The following ZDHHC14 variants were observed in gnomAD, a reference collection of about 807,000 sequenced individuals.
ZDHHC14 encodes palmitoyltransferase ZDHHC14.
ZDHHC14 carries 16 observed loss-of-function variants against 47.7 expected under a neutral mutation model. The observed-to-expected ratio is 0.34, with a 90% CI of 0.23 to 0.51. The LOEUF is 0.51. ZDHHC14 is among the 20% of genes least tolerant of loss of function. The probability of loss-of-function intolerance (pLI) is 0.97; values close to 1 mark genes in which losing one functional copy is unlikely to be tolerated. For synonymous variants in ZDHHC14, 293 were observed against 278.9 expected, an observed-to-expected ratio of 1.05 and a Z score of -0.50; for missense variants, 515 against 662.5, an observed-to-expected ratio of 0.78 and a Z score of 2.44.
intron 2 of ZDHHC14, among the ~76,000 whole-genome samples, chr6:157,591,642 T>A (rs1783912528): frequency 6.6e-6 from 1 of 152,150 alleles, no homozygotes; most frequent in Non-Finnish European, 1.5e-5. Flanking sequence ...ACTAATACAA[T>A]GTCCCACACC....
chr6:157,443,743 C>G (rs571306199), intron 1 of ZDHHC14, among the ~76,000 whole-genome samples: 1 of 152,350 alleles, frequency 6.6e-6, no homozygotes, highest in South Asian at 2.1e-4. Context: ...CTGATACACT[C>G]TGGCCCAATT....
In ZDHHC14 at chr6:157,554,065, C is replaced by T. The variant is rs137934207; in HGVS notation, c.406+11320C>T. On this transcript the variant is annotated intron_variant, in intron 2 of 8. Transcript: ENST00000359775. Reference sequence around the variant, plus strand: ...GAAGCGAACACCATTTATTCAGAAACTGTAGATAAAGCTTTCTAGGAGAAA... The same window carrying T: ...GAAGCGAACACCATTTATTCAGAAATTGTAGATAAAGCTTTCTAGGAGAAA... 5.9e-5 allele frequency among the ~76,000 whole-genome samples: 9 copies of T among 152,338 alleles called. No individual in the cohort carries two copies. In the East Asian group the frequency reaches 1.7e-3, roughly 29 times the overall value.
intron 1 of ZDHHC14, among the ~76,000 whole-genome samples, chr6:157,446,023 A>C (rs1178879753): frequency 6.6e-6 from 1 of 152,138 alleles, no homozygotes. Flanking sequence ...AGGTTTTGAT[A>C]ATTACCCTTT....
At chr6:157,548,602 A>G (rs1440611569) in intron 2 of ZDHHC14, among the ~76,000 whole-genome samples, 1 of 152,040 alleles carries the variant, frequency 6.6e-6, no homozygotes, top group African/African-American at 2.4e-5. Flanking sequence ...ATGCGCCACT[A>G]TTCCCGGCTA....
chr6:157,481,266 A>T (rs1366277378), intron 1 of ZDHHC14, among the ~76,000 whole-genome samples: 1 of 152,216 alleles, frequency 6.6e-6, no homozygotes, highest in Non-Finnish European at 1.5e-5. Flanking sequence ...GTAGATGAGC[A>T]ACTTATGTCT....
intron 6 of ZDHHC14, among the ~76,000 whole-genome samples, chr6:157,646,893 A>T (rs1777582024): frequency 6.6e-6 from 1 of 152,182 alleles, no homozygotes; most frequent in Non-Finnish European, 1.5e-5. Flanking sequence ...AGGCTGAATT[A>T]TTTCAGTCTG....
intron 3 of ZDHHC14, among the ~76,000 whole-genome samples, chr6:157,617,514 T>G (rs1785017001): frequency 6.6e-6 from 1 of 152,170 alleles, no homozygotes; most frequent in Non-Finnish European, 1.5e-5. Flanking sequence ...CCAGACGATG[T>G]GGACTCTTTG....
chr6:157,642,774 C>G (rs1777318193), intron 5 of ZDHHC14, among the ~76,000 whole-genome samples: 1 of 152,106 alleles, frequency 6.6e-6, no homozygotes, highest in Non-Finnish European at 1.5e-5. Context: ...GTTTCTTGAC[C>G]TTATTATGGC....
At chr6:157,545,503 C>T (rs1213543052) in intron 2 of ZDHHC14, among the ~76,000 whole-genome samples, 2 of 151,848 alleles carry the variant, frequency 1.3e-5, no homozygotes, top group Non-Finnish European at 2.9e-5. Flanking sequence ...AGTGAAACCC[C>T]GTCTCTACTA....
chr6:157,499,869 C>T (rs1780155908), intron 1 of ZDHHC14, among the ~76,000 whole-genome samples: 1 of 152,180 alleles, frequency 6.6e-6, no homozygotes, highest in Non-Finnish European at 1.5e-5. Context: ...TTCATTCATT[C>T]AACGAATATT....
At chr6:157,600,701 T>C (rs984559711) in intron 3 of ZDHHC14, among the ~76,000 whole-genome samples, 5 of 152,196 alleles carry the variant, frequency 3.3e-5, no homozygotes, top group African/African-American at 1.2e-4. Context: ...CCACCGCACC[T>C]GGCCAAGACA....
rs566037790 is a variant in ZDHHC14, at chr6:157,542,811, G to A, written c.406+66G>A. Reference sequence around the variant, plus strand: ...GCCTGGGCCCAGCTACAGTGGGGACGGCAGGCCGAGGGCTGTGCAGGAGGA... The same window carrying A: ...GCCTGGGCCCAGCTACAGTGGGGACAGCAGGCCGAGGGCTGTGCAGGAGGA... On this transcript the variant is annotated intron_variant, in intron 2 of 8. Coordinates refer to ENST00000359775, the MANE Select transcript of ZDHHC14 (RefSeq NM_024630.3). 28 of 1,549,226 alleles carry A rather than the reference G, an allele frequency of 1.8e-5. No individual in the cohort carries two copies. In the African/African-American group the frequency reaches 1.9e-4, roughly 11 times the overall value.
intron 1 of ZDHHC14, among the ~76,000 whole-genome samples, chr6:157,505,825 G>A (rs1780313833): frequency 6.6e-6 from 1 of 152,222 alleles, no homozygotes; most frequent in South Asian, 2.1e-4. Context: ...CATCAGAGTT[G>A]ATATTTGCCA....
At chr6:157,580,714 G>C (rs1198588968) in intron 2 of ZDHHC14, among the ~76,000 whole-genome samples, 2 of 149,848 alleles carry the variant, frequency 1.3e-5, no homozygotes, top group Non-Finnish European at 3.0e-5. Flanking sequence ...TTTGTGTTTT[G>C]TGTGTGTGTG....
chr6:157,540,864 A>G (rs4349837), intron 1 of ZDHHC14, among the ~76,000 whole-genome samples: 137,284 of 146,148 alleles, frequency 0.94, 64,574 homozygotes, highest in East Asian at 1. Context: ...TATATATATA[A>G]CATATATAGA....
chr6:157,428,070 A>G (rs753758927), intron 1 of ZDHHC14, among the ~76,000 whole-genome samples: 3 of 152,152 alleles, frequency 2.0e-5, no homozygotes, highest in East Asian at 1.9e-4. Flanking sequence ...GATATGTGCT[A>G]TCTTCAGCAC....
intron 3 of ZDHHC14, among the ~76,000 whole-genome samples, chr6:157,619,389 TCAAAAA>T (rs542039012): frequency 4.1e-4 from 62 of 152,134 alleles, no homozygotes; most frequent in South Asian, 1.0e-3. Context: ...AGACTCCACC[TCAAAAA>T]CAAAAACAAA....
Position 157,586,674 on chromosome 6 carries a change from C to T in ZDHHC14, c.407-6314C>T, listed in dbSNP as rs766464481. Among the ~76,000 whole-genome samples, 12 of 150,848 alleles carry T rather than the reference C, an allele frequency of 8.0e-5. No homozygotes were observed. The highest frequency in any genetic ancestry group is 6.0e-4 in the East Asian group (3 of 4,992). Reference sequence around the variant, plus strand: ...CAGCAGAGCCCTCCCAGGACCCCAGCGGCCCTCGGCAACCCCTGGTGCAGC... The same window carrying T: ...CAGCAGAGCCCTCCCAGGACCCCAGTGGCCCTCGGCAACCCCTGGTGCAGC... On this transcript the variant is annotated intron_variant, in intron 2 of 8. Transcript: ENST00000359775. This position sits in a 1 kb window ranked among gnomAD's most constrained non-coding sequence, Gnocchi z 4.6.
In ZDHHC14 at chr6:157,676,296, A is replaced by G. The variant is rs1187829052; in HGVS notation, c.*3174A>G. 1 of 152,296 alleles carries G rather than the reference A, an allele frequency of 6.6e-6. No individual in the cohort carries two copies. The highest frequency in any genetic ancestry group is 2.4e-5 in the African/African-American group (1 of 41,464). The allele number at this position is 152,296 out of a possible 1,614,324, so 9.4% of individuals were successfully genotyped here. ...CAAAAGATGCTCGTTCCAGCTTTCAAATGTGATGATTTCAGCCTGTGAGGA... is the reference window on the plus strand; with the variant it reads ...CAAAAGATGCTCGTTCCAGCTTTCAGATGTGATGATTTCAGCCTGTGAGGA... On this transcript the variant is annotated 3_prime_UTR_variant, in exon 9 of 9. Transcript: ENST00000359775.
Sources: allele counts gnomAD v4.1 joint callset (sites outside exome capture counted in the v4.1 genomes callset), GRCh38; gene constraint gnomAD v4.1.1; non-coding constraint Gnocchi (gnomAD v3.1); transcripts MANE v1.5; gene names NCBI Gene and HGNC (gene_info 2026-07-23, HGNC 2026-07-21).